The following GPC6 variants were observed in gnomAD, a reference collection of about 807,000 sequenced individuals.
GPC6 encodes glypican-6.
GPC6 carries 14 observed loss-of-function variants against 55.2 expected under a neutral mutation model. The observed-to-expected ratio is 0.25, with a 90% CI of 0.17 to 0.40. GPC6 has a LOEUF of 0.40. Ranked by LOEUF, GPC6 falls within the 10% of genes least tolerant of loss-of-function variation. GPC6 has a pLI of 1.00. For synonymous variants in GPC6, 278 were observed against 259.6 expected (o/e 1.07, Z -0.68); for missense variants, 641 against 708.5 (o/e 0.90, Z 1.08).
intron 1 of GPC6, among the ~76,000 whole-genome samples, chr13:93,301,170 A>G (rs1878668331): frequency 6.6e-6 from 1 of 152,206 alleles, no homozygotes; most frequent in Admixed American, 6.5e-5. Context: ...CCTAATAACC[A>G]ATTGTTACTG....
At chr13:93,310,700 A>C (rs1198512748) in intron 1 of GPC6, among the ~76,000 whole-genome samples, 1 of 152,148 alleles carries the variant, frequency 6.6e-6, no homozygotes, top group African/African-American at 2.4e-5. Context: ...AAACTTTTTG[A>C]AAATGCGACT....
At chr13:93,349,090 G>A (rs1211022156) in intron 1 of GPC6, among the ~76,000 whole-genome samples, 1 of 151,980 alleles carries the variant, frequency 6.6e-6, no homozygotes, top group Non-Finnish European at 1.5e-5. Context: ...ATATATTCTG[G>A]GTATCAACAT....
intron 1 of GPC6, among the ~76,000 whole-genome samples, chr13:93,295,290 CAAAAAA>C (rs67379652): frequency 0.25 from 16,441 of 66,572 alleles, 976 homozygotes; most frequent in Admixed American, 0.34. Context: ...GACCCTGTCT[CAAAAAA>C]AAAAAAAAAA....
chr13:93,428,020 G>A (rs903100841), intron 1 of GPC6, among the ~76,000 whole-genome samples: 7 of 152,070 alleles, frequency 4.6e-5, no homozygotes, highest in Non-Finnish European at 7.4e-5. Context: ...GTATTCTGCT[G>A]AAATTTGATG....
upstream of GPC6, chr13:93,226,675 G>T (rs1339839284): frequency 6.6e-6 from 1 of 152,156 alleles, no homozygotes; most frequent in Admixed American, 6.5e-5. Flanking sequence ...AAGTGAATAA[G>T]AAAATAGGTA....
chr13:93,888,262 G>T (rs550567040), intron 3 of GPC6, among the ~76,000 whole-genome samples: 7 of 152,166 alleles, frequency 4.6e-5, no homozygotes, highest in Admixed American at 4.6e-4. Context: ...TCCAATTAGC[G>T]CAAATTTATG....
intron 1 of GPC6, among the ~76,000 whole-genome samples, chr13:93,537,785 A>G (rs1368884056): frequency 1.3e-5 from 2 of 152,170 alleles, no homozygotes; most frequent in Admixed American, 6.6e-5. Context: ...TGAGTTGTTA[A>G]GCATTTCCTT....
At chr13:93,582,813 G>T (rs3902187) in intron 2 of GPC6, among the ~76,000 whole-genome samples, 9,125 of 152,178 alleles carry the variant, frequency 0.06, 875 homozygotes, top group African/African-American at 0.2. Flanking sequence ...AAACGTGCTA[G>T]GAAAAGCGAA....
intron 2 of GPC6, among the ~76,000 whole-genome samples, chr13:93,604,110 C>T (rs1372793428): frequency 6.6e-6 from 1 of 152,178 alleles, no homozygotes; most frequent in Non-Finnish European, 1.5e-5. Context: ...TGATGCATGT[C>T]CTCTGTTAAT....
At chr13:94,204,921 TTAATA>T (rs982235047) in intron 4 of GPC6, among the ~76,000 whole-genome samples, 3 of 152,170 alleles carry the variant, frequency 2.0e-5, no homozygotes, top group Non-Finnish European at 4.4e-5. Flanking sequence ...ACAACATAAC[TTAATA>T]AACTAAGAAC....
intron 1 of GPC6, among the ~76,000 whole-genome samples, chr13:93,403,402 G>A (rs1179046017): frequency 1.3e-5 from 2 of 152,220 alleles, no homozygotes; most frequent in Admixed American, 1.3e-4. Flanking sequence ...TCCTTTTCTT[G>A]TGCCTTCACT....
intron 1 of GPC6, among the ~76,000 whole-genome samples, chr13:93,447,848 G>A: frequency 6.6e-6 from 1 of 152,096 alleles, no homozygotes; most frequent in East Asian, 1.9e-4. Flanking sequence ...CATTATCAAA[G>A]GGTTTTTCAG....
At chr13:94,150,044 G>C (rs1887684608) in intron 4 of GPC6, among the ~76,000 whole-genome samples, 1 of 152,004 alleles carries the variant, frequency 6.6e-6, no homozygotes, top group Admixed American at 6.6e-5. Flanking sequence ...CAAACACTCT[G>C]TATCATGAAC....
intron 1 of GPC6, among the ~76,000 whole-genome samples, chr13:93,292,267 G>T (rs1422773625): frequency 3.9e-5 from 6 of 152,148 alleles, no homozygotes; most frequent in African/African-American, 1.4e-4. Flanking sequence ...GCTTTCCAGT[G>T]AATGTGTAAC....
intron 3 of GPC6, among the ~76,000 whole-genome samples, chr13:93,832,150 C>A (rs1887543430): frequency 1.3e-5 from 1 of 77,296 alleles, no homozygotes; most frequent in Non-Finnish European, 2.2e-5. Flanking sequence ...TATATAATGT[C>A]CTTACATTGA....
At chr13:94,267,460 A>G (rs75619663) in intron 4 of GPC6, among the ~76,000 whole-genome samples, 3,929 of 152,258 alleles carry the variant, frequency 0.026, 72 homozygotes, top group East Asian at 0.084. Flanking sequence ...TATAATATGC[A>G]AGCAGTAGAC....
intron 1 of GPC6, among the ~76,000 whole-genome samples, chr13:93,440,672 CATTT>C (rs1448597417): frequency 7.1e-6 from 1 of 141,346 alleles, no homozygotes; most frequent in Non-Finnish European, 1.5e-5. Context: ...GCAAGTCTTG[CATTT>C]ATTTATTTTT....
chr13:94,390,803 A>C (rs943753747), intron 7 of GPC6, among the ~76,000 whole-genome samples: 4 of 152,096 alleles, frequency 2.6e-5, no homozygotes, highest in African/African-American at 7.2e-5. Flanking sequence ...TTCTTCAGAC[A>C]CACTTGAAGA....
chr13:93,919,296 C>G (rs1370207965), intron 3 of GPC6, among the ~76,000 whole-genome samples: 1 of 152,140 alleles, frequency 6.6e-6, no homozygotes, highest in African/African-American at 2.4e-5. Flanking sequence ...ACAAGAAAGA[C>G]CTAATGCAGT....
Sources: allele counts gnomAD v4.1 joint callset (sites outside exome capture counted in the v4.1 genomes callset), GRCh38; gene constraint gnomAD v4.1.1; transcripts MANE v1.5; gene names NCBI Gene and HGNC (gene_info 2026-07-23, HGNC 2026-07-21).